PLEKHG5: variants seen among roughly 807,000 people sequenced by gnomAD.
PLEKHG5 encodes pleckstrin homology domain-containing family G member 5.
A neutral mutation model predicts 103.8 loss-of-function variants in PLEKHG5; 52 were observed. That is an observed-to-expected ratio of 0.50 (90% CI 0.40 to 0.63). The LOEUF is 0.63. Ranked by LOEUF, PLEKHG5 falls within the 30% of genes least tolerant of loss-of-function variation. The pLI is 0.00. For missense variants in PLEKHG5, 1,205 were observed against 1,347.6 expected (o/e 0.89, Z 1.66); for synonymous variants, 592 against 575.5 (o/e 1.03, Z -0.41).
At chr1:6,475,707 C>A (rs770706450) in intron 3 of PLEKHG5, among the ~76,000 whole-genome samples, 185 bp from the exon 4 acceptor site, 1 of 152,226 alleles carries the variant, frequency 6.6e-6, no homozygotes, top group East Asian at 1.9e-4. Flanking sequence ...GGAGTCACAT[C>A]GAACGGTACC....
upstream of PLEKHG5, among the ~76,000 whole-genome samples, chr1:6,491,984 C>T (rs747396061): frequency 2.0e-5 from 3 of 152,212 alleles, no homozygotes; most frequent in Non-Finnish European, 4.4e-5. This position sits in a 1 kb window ranked among gnomAD's most constrained non-coding sequence, Gnocchi z 4.1. Flanking sequence ...AAATTCACCT[C>T]CCTTTCCTCC....
chr1:6,501,101 A>G (rs1645291924), upstream of PLEKHG5, among the ~76,000 whole-genome samples: 1 of 152,082 alleles, frequency 6.6e-6, no homozygotes, highest in Admixed American at 6.5e-5. This position sits in a 1 kb window ranked among gnomAD's most constrained non-coding sequence, Gnocchi z 4.3. Context: ...CTCTTGACAA[A>G]CCAGAGGAGC....
chr1:6,473,509 A>AC, intron 7 of PLEKHG5, 55 bp from the exon 8 acceptor site: 1 of 1,411,722 alleles, frequency 7.1e-7, no homozygotes, highest in South Asian at 1.4e-5. Flanking sequence ...CCATGGCCCC[A>AC]CCCCAGGGCG....
At chr1:6,513,811 T>C (rs766547192) in intron 1 of PLEKHG5, among the ~76,000 whole-genome samples, 1 of 152,244 alleles carries the variant, frequency 6.6e-6, no homozygotes, top group African/African-American at 2.4e-5. Flanking sequence ...AGACCCAGGC[T>C]GCCTCGGATG....
chr1:6,468,692 G>T, intron 19 of PLEKHG5, 106 bp from the exon 20 acceptor site: 3 of 1,247,734 alleles, frequency 2.4e-6, no homozygotes, highest in Non-Finnish European at 3.5e-6. Context: ...CCCTCCTGGG[G>T]CTGGAGGCTC....
chr1:6,503,599 A>G (rs911981235), intron 1 of PLEKHG5, among the ~76,000 whole-genome samples: 2 of 152,000 alleles, frequency 1.3e-5, no homozygotes, highest in African/African-American at 4.8e-5. Flanking sequence ...TAGTAGACAC[A>G]TGGTTTCACC....
rs1644796109 is a variant in PLEKHG5 at position 6,477,552 on chromosome 1, A to C, written c.20T>G (p.Val7Gly). 6.2e-7 allele frequency: 1 copy of C among 1,612,398 alleles called. No individual in the cohort carries two copies. Among genetic ancestry groups the C allele is most frequent in the Admixed American group, 1.7e-5 (1 of 60,008 alleles). Residue 7 changes from valine (V) to glycine (G), a missense_variant, in exon 2 of 21, where the codon GTC becomes GGC. Val to Gly is a moderately radical substitution (Grantham distance 109, BLOSUM62 -3). Coordinates refer to ENST00000377728, the MANE Select transcript of PLEKHG5 (RefSeq NM_020631.6). Reference protein sequence around the residue: MHYDGHVRFDLPPQGSV... With the variant: MHYDGHGRFDLPPQGSV... ...ACCTTGTGGGGGAAGGTCGAAGCGG[A>C]CATGCCCATCATAATGCATGGTGCT...
Position 6,470,565 on chromosome 1 carries a change from C to T in PLEKHG5, c.1621G>A (p.Val541Met), listed in dbSNP as rs376903637. The T allele has an allele frequency of 1.7e-5, 27 of 1,583,988 alleles. No individual in the cohort carries two copies. The highest frequency in any genetic ancestry group is 5.4e-5 in the African/African-American group (4 of 74,040). Residue 541 changes from valine to methionine, a missense_variant, in exon 15 of 21, where the codon GTG becomes ATG. Transcript: ENST00000377728. ...QRQERQRLAAVVSRIDAYEVV... is the reference protein window; with the variant it reads ...QRQERQRLAAMVSRIDAYEVV... ...TCGTAGGCGTCGATGCGGCTCACCA[C>T]GGCCGCCAGCCGCTGCCGCTCCTGC...
rs554436245 is a variant in PLEKHG5, at chr1:6,467,797, C to G, written c.3011+28G>C. On this transcript the variant is annotated intron_variant, in intron 20 of 20. Transcript: ENST00000377728. ...CCCCCATGCCAGTGCCCTGAGCCAC[C>G]TGCCCTACCCCAGTCCAGGCCACTC... The G allele has an allele frequency of 5.6e-6, 9 of 1,611,888 alleles. No homozygotes were observed. The East Asian group carries it at 1.8e-4, about 32-fold the overall frequency.
At position 6,491,484 on chromosome 1, in the gene PLEKHG5, T is replaced by G. The variant is rs1645150715; in HGVS notation, c.-88+153A>C. ...TGTTTCTCTGGCCCTGCCCGTTTCT[T>G]CAGCTGCAGATAGCCCCACCACCTC... On this transcript the variant is annotated intron_variant, in intron 1 of 20. Transcript: ENST00000377728. This position sits in a 1 kb window ranked among gnomAD's most constrained non-coding sequence, Gnocchi z 4.1. 6.6e-6 allele frequency among the ~76,000 whole-genome samples: 1 copy of G among 152,128 alleles called. No homozygotes were observed. The highest frequency in any genetic ancestry group is 2.1e-4 in the South Asian group (1 of 4,830).
intron 1 of PLEKHG5, among the ~76,000 whole-genome samples, chr1:6,488,415 T>C (rs775429551): frequency 4.6e-5 from 7 of 152,206 alleles, no homozygotes; most frequent in Non-Finnish European, 1.0e-4. Flanking sequence ...CCCTGGAGAT[T>C]GCCTTCCTGA....
intron 3 of PLEKHG5, 118 bp downstream of exon 3, chr1:6,475,813 G>C (rs1644750652): frequency 2.2e-6 from 2 of 915,784 alleles, no homozygotes; most frequent in Non-Finnish European, 3.6e-6. Context: ...CGTGGGAAGA[G>C]GTCTGCCCAT....
At position 6,469,213 on chromosome 1, in the gene PLEKHG5, T is replaced by A; in HGVS notation, c.2078A>T (p.Glu693Val). Reference protein sequence around the residue: ...QNQLQQLRAQEPPGSQQPLQS... With the variant: ...QNQLQQLRAQVPPGSQQPLQS... ...CAGGGGCTGCTGACTGCCTGGGGGC[T>A]CCTGTGCACGCAGCTGTTGCAGCTG... Residue 693 changes from glutamate to valine, a missense_variant, in exon 19 of 21, where the codon GAG (glutamate) becomes GTG (valine). Coordinates refer to ENST00000377728, the MANE Select transcript of PLEKHG5 (RefSeq NM_020631.6). 6.2e-7 allele frequency: 1 copy of A among 1,613,634 alleles called. No homozygotes were observed. Among genetic ancestry groups the A allele is most frequent in the Non-Finnish European group, 8.5e-7 (1 of 1,179,888 alleles).
At chr1:6,474,921 G>C in intron 5 of PLEKHG5, 126 bp downstream of exon 5, 2 of 786,002 alleles carry the variant, frequency 2.5e-6, no homozygotes, top group South Asian at 2.7e-5. Flanking sequence ...TGCCCACGCA[G>C]GGATGCGCTC....
chr1:6,472,436 C>T (rs1644619748), intron 10 of PLEKHG5, 91 bp downstream of exon 10: 5 of 942,604 alleles, frequency 5.3e-6, no homozygotes, highest in Admixed American at 1.9e-5. Flanking sequence ...TGCCAGGCAC[C>T]TGCTCCTTCT....
chr1:6,471,644 G>T lies in PLEKHG5; in HGVS notation c.1132-7C>A, dbSNP rs967491310. 6.4e-7 allele frequency: 1 copy of T among 1,573,612 alleles called. No individual in the cohort carries two copies. Among genetic ancestry groups the T allele is most frequent in the Non-Finnish European group, 8.6e-7 (1 of 1,161,044 alleles). ...ACAGGCGCTCCGCCTCCACCTGGGC[G>T]CGGCGGGAGGTGCGGTTGGCCACGC... On this transcript the variant is annotated splice_region_variant and splice_polypyrimidine_tract_variant and intron_variant, in intron 11 of 20. Coordinates refer to ENST00000377728, the MANE Select transcript of PLEKHG5 (RefSeq NM_020631.6).
rs1644655686 is a variant in PLEKHG5 at position 6,473,357 on chromosome 1, C to A, written c.689G>T (p.Ser230Ile). The stretch of plus-strand genomic sequence containing the variant: ...AGTGTTGGTGCTGCCACTGCTGCCG[C>A]TGGGCAGAGAGCAGCTGGAGGGCGT... ...PPTPSSCSLP[S>I]GSSGSTNTGD... The change falls in exon 8 of 21, where the codon AGC (serine) becomes ATC (isoleucine). Residue 230 changes from serine to isoleucine, a missense_variant. Coordinates refer to ENST00000377728, the MANE Select transcript of PLEKHG5 (RefSeq NM_020631.6). 1.3e-6 allele frequency: 2 copies of A among 1,551,578 alleles called. No homozygotes were observed. The highest frequency in any genetic ancestry group is 1.7e-6 in the Non-Finnish European group (2 of 1,148,000).
intron 1 of PLEKHG5, among the ~76,000 whole-genome samples, chr1:6,514,003 G>A (rs1182700926): frequency 1.3e-5 from 2 of 152,188 alleles, no homozygotes; most frequent in African/African-American, 2.4e-5. Context: ...GGTTCTGCCT[G>A]GATCCTGTTC....
chr1:6,476,150 C>A, intron 2 of PLEKHG5, 114 bp from the exon 3 acceptor site: 1 of 867,922 alleles, frequency 1.2e-6, no homozygotes, highest in Admixed American at 2.0e-5. Flanking sequence ...TTAAAGGTAG[C>A]AAGGGCCCTT....
Sources: gnomAD v4.1 joint callset for allele counts (sites outside exome capture counted in the v4.1 genomes callset) on GRCh38, gnomAD v4.1.1 for gene constraint, Gnocchi (gnomAD v3.1) non-coding constraint, MANE v1.5 for transcripts, NCBI Gene and HGNC (gene_info 2026-07-23, HGNC 2026-07-21) for gene names.